The following ERICH1 variants were observed in gnomAD, a reference collection of about 807,000 sequenced individuals.
The protein encoded by ERICH1 is glutamate-rich protein 1.
Under a neutral mutation model 39.6 loss-of-function variants are expected in ERICH1, and 56 were observed. The ratio of observed to expected loss-of-function variants is 1.41; its 90% CI spans 1.14 to 1.77. ERICH1 has a LOEUF of 1.77. Among genes scored for constraint, ERICH1 ranks in the 40% most tolerant of loss-of-function variants. The pLI is 0.00. For synonymous variants in ERICH1, 313 were observed against 223.6 expected (o/e 1.40, Z -3.57); for missense variants, 826 against 575.4 (o/e 1.44, Z -4.45).
At chr8:694,082 T>C (rs1374497322) in intron 2 of ERICH1, among the ~76,000 whole-genome samples, 4 of 152,240 alleles carry the variant, frequency 2.6e-5, no homozygotes, top group Non-Finnish European at 5.9e-5. Context: ...GATGTGCATT[T>C]GATTTTGAAA....
At chr8:724,123 C>T (rs894969448) in intron 1 of ERICH1, among the ~76,000 whole-genome samples, 7 of 152,174 alleles carry the variant, frequency 4.6e-5, no homozygotes, top group African/African-American at 9.7e-5. Flanking sequence ...CAGAACCTCA[C>T]GCCATGACCG....
chr8:696,567 A>T (rs1368501987), intron 2 of ERICH1, among the ~76,000 whole-genome samples: 1 of 37,830 alleles, frequency 2.6e-5, no homozygotes, highest in Non-Finnish European at 4.1e-5. Flanking sequence ...CTTCCTCCCC[A>T]TCAGCCTGTA....
At chr8:630,903 C>T (rs1797982412) in intron 3 of ERICH1, among the ~76,000 whole-genome samples, 1 of 149,426 alleles carries the variant, frequency 6.7e-6, no homozygotes, top group Non-Finnish European at 1.5e-5. Context: ...ACAGAGCTGA[C>T]TCACACCCTC....
chr8:691,664 C>G (rs1808945475), intron 3 of ERICH1, among the ~76,000 whole-genome samples: 1 of 152,182 alleles, frequency 6.6e-6, no homozygotes, highest in Non-Finnish European at 1.5e-5. Flanking sequence ...AAGGATGAAT[C>G]CATTATTCCT....
chr8:647,557 A>T (rs1370799316), intron 3 of ERICH1, among the ~76,000 whole-genome samples: 1 of 67,980 alleles, frequency 1.5e-5, no homozygotes, highest in East Asian at 3.0e-4. Flanking sequence ...TTTGACAAGG[A>T]AACAGTGAGT....
At chr8:731,072 C>T in intron 1 of ERICH1, 68 bp downstream of exon 1, 4 of 1,387,700 alleles carry the variant, frequency 2.9e-6, no homozygotes, top group Non-Finnish European at 3.7e-6. Flanking sequence ...GGTCCCGAGT[C>T]AACACCGCGG....
Position 673,411 on chromosome 8 carries a change from C to A in ERICH1, c.941G>T (p.Gly314Val), listed in dbSNP as rs1300286343. 1.9e-5 allele frequency: 30 copies of A among 1,613,426 alleles called. No individual in the cohort carries two copies. In the Admixed American group the frequency reaches 4.2e-4, roughly 22 times the overall value. ...EDPTWAGEEE[G>V]ADSGEEDGAD... ...ACCGTCCTCCTCCCCGGAGTCTGCACCCTCTTCCTCCCCAGCCCATGTCGG... is the reference window on the plus strand; with the variant it reads ...ACCGTCCTCCTCCCCGGAGTCTGCAACCTCTTCCTCCCCAGCCCATGTCGG... The change falls in exon 4 of 6, where the codon GGT (glycine) becomes GTT (valine). Residue 314 changes from glycine to valine, a missense_variant. Coordinates refer to ENST00000262109, the MANE Select transcript of ERICH1 (RefSeq NM_207332.3).
chr8:697,923 G>A (rs1022028195), intron 2 of ERICH1, among the ~76,000 whole-genome samples: 1 of 152,140 alleles, frequency 6.6e-6, no homozygotes, highest in Non-Finnish European at 1.5e-5. Context: ...TTTGTTGTGG[G>A]GAATGAGGCA....
At chr8:620,590 G>A (rs116295456) in intron 3 of ERICH1, among the ~76,000 whole-genome samples, 68 of 152,068 alleles carry the variant, frequency 4.5e-4, no homozygotes, top group African/African-American at 1.2e-3. Flanking sequence ...CAAATGAGTT[G>A]AAAGTTAAAG....
Position 646,595 on chromosome 8 carries a change from T to C in ERICH1, c.976+22003A>G, listed in dbSNP as rs1445432902. Among the ~76,000 whole-genome samples, 2 of 68,814 alleles carry C rather than the reference T, an allele frequency of 2.9e-5. 1 individual carries two copies. The highest frequency in any genetic ancestry group is 9.1e-5 in the Non-Finnish European group (2 of 21,872). 45.1% of individuals were successfully genotyped at this position (68,814 alleles called of 152,430 possible). ...ATATGCCGACAGCTCCAGCCTGTCC[T>C]TGGGTCCCGTGGCCGAGCCCCTTCC... On this transcript the variant is annotated intron_variant, in intron 3 of 3. Transcript: ENST00000522706.
chr8:615,437 C>G, intron 3 of ERICH1: 1 of 501,414 alleles, frequency 2.0e-6, no homozygotes, highest in Non-Finnish European at 3.5e-6. Flanking sequence ...GAACAATGAT[C>G]AAAGCAATGG....
intron 3 of ERICH1, among the ~76,000 whole-genome samples, chr8:684,720 G>C (rs1397353763): frequency 6.6e-6 from 1 of 152,192 alleles, no homozygotes; most frequent in Admixed American, 6.5e-5. Flanking sequence ...TAAAGGGAAA[G>C]AGTACAAAAG....
chr8:620,187 C>A (rs1797192795), intron 3 of ERICH1, among the ~76,000 whole-genome samples: 2 of 152,124 alleles, frequency 1.3e-5, no homozygotes, highest in Non-Finnish European at 2.9e-5. Context: ...TGGCGCACAC[C>A]TGTAATCCCA....
chr8:674,191 C>T, intron 3 of ERICH1, 144 bp from the exon 4 acceptor site: 1 of 947,558 alleles, frequency 1.1e-6, no homozygotes, highest in South Asian at 1.9e-5. Flanking sequence ...CTCAACTTTA[C>T]CATCAAAGAT....
intron 3 of ERICH1, among the ~76,000 whole-genome samples, chr8:621,625 G>C (rs1396943779): frequency 6.6e-6 from 1 of 151,854 alleles, no homozygotes; most frequent in African/African-American, 2.4e-5. Flanking sequence ...ACAGAGAATA[G>C]AAAAACAATA....
At chr8:660,776 G>A (rs1801311058), downstream of ERICH1, among the ~76,000 whole-genome samples, 1 of 152,244 alleles carries the variant, frequency 6.6e-6, no homozygotes, top group African/African-American at 2.4e-5. Flanking sequence ...GGCAGCCTCA[G>A]GACAGCGCTA....
chr8:715,497 A>G (rs1047348056), intron 2 of ERICH1, among the ~76,000 whole-genome samples: 2 of 152,232 alleles, frequency 1.3e-5, no homozygotes, highest in African/African-American at 4.8e-5. Context: ...GCACAAGCCA[A>G]CGGGGCCAAG....
intron 2 of ERICH1, among the ~76,000 whole-genome samples, chr8:707,820 T>C (rs58672289): frequency 4.9e-4 from 75 of 152,310 alleles, no homozygotes; most frequent in African/African-American, 1.6e-3. Context: ...TTAAAAACTT[T>C]GGGGCTTTAA....
At chr8:639,113 A>C (rs1462971584) in intron 3 of ERICH1, among the ~76,000 whole-genome samples, 1 of 152,120 alleles carries the variant, frequency 6.6e-6, no homozygotes, top group Admixed American at 6.5e-5. Context: ...GCCACCTGGC[A>C]CTGGCTTTTC....
Sources: gnomAD v4.1 joint callset for allele counts (sites outside exome capture counted in the v4.1 genomes callset) on GRCh38, gnomAD v4.1.1 for gene constraint, MANE v1.5 for transcripts, NCBI Gene and HGNC (gene_info 2026-07-23, HGNC 2026-07-21) for gene names.